CRISP2: variants seen among roughly 807,000 people sequenced by gnomAD.
CRISP2 encodes cysteine rich secretory protein 2.
CRISP2 carries 29 observed loss-of-function variants against 31.7 expected under a neutral mutation model. The ratio of observed to expected loss-of-function variants is 0.92; its 90% CI spans 0.68 to 1.25. CRISP2 has a LOEUF of 1.25. CRISP2 is among the 50% of genes most tolerant of loss of function. The probability of loss-of-function intolerance (pLI) is 0.00; values close to 1 mark genes in which losing one functional copy is unlikely to be tolerated. For synonymous variants in CRISP2, 111 were observed against 101.4 expected (o/e 1.09, Z -0.57); for missense variants, 318 against 286.5 (o/e 1.11, Z -0.79).
chr6:49,688,870 T>G (rs1354247749), downstream of CRISP2, among the ~76,000 whole-genome samples: 1 of 152,154 alleles, frequency 6.6e-6, no homozygotes, highest in East Asian at 1.9e-4. Context: ...TTTTCTTTTC[T>G]TTTATTTTTT....
At chr6:49,709,383 C>T (rs903375726) in intron 3 of CRISP2, among the ~76,000 whole-genome samples, 178 bp from the exon 4 acceptor site, 10 of 152,126 alleles carry the variant, frequency 6.6e-5, no homozygotes, top group South Asian at 2.1e-4. Flanking sequence ...ATGAGGCCAA[C>T]CTTGTCTTTG....
the CRISP2 span, among the ~76,000 whole-genome samples, chr6:49,679,751 A>C: frequency 6.6e-6 from 1 of 151,772 alleles, no homozygotes; most frequent in Non-Finnish European, 1.5e-5. Context: ...TATCACCTAG[A>C]CTGGAATGCA....
At chr6:49,687,638 G>A (rs906540276), downstream of CRISP2, among the ~76,000 whole-genome samples, 1 of 152,170 alleles carries the variant, frequency 6.6e-6, no homozygotes, top group Non-Finnish European at 1.5e-5. Context: ...ATAGAGGAGG[G>A]GTCAGAGGGT....
At chr6:49,681,496 C>T in the CRISP2 span, among the ~76,000 whole-genome samples, 112,178 of 152,030 alleles carry the variant, frequency 0.74, 42,180 homozygotes, top group East Asian at 0.97. Flanking sequence ...GAACAAAGTA[C>T]TTAATGAATT....
At chr6:49,713,669 C>T (rs945333791), upstream of CRISP2, 14 of 152,234 alleles carry the variant, frequency 9.2e-5, no homozygotes, top group African/African-American at 3.1e-4. Context: ...GCCCCCGCCT[C>T]CCCTACTACG....
At chr6:49,706,109 A>G (rs1271613887) in intron 4 of CRISP2, among the ~76,000 whole-genome samples, 2 of 152,210 alleles carry the variant, frequency 1.3e-5, no homozygotes, top group African/African-American at 4.8e-5. Flanking sequence ...AGACATATGA[A>G]TAATAATATT....
At chr6:49,712,062 A>G (rs1052605500) in intron 2 of CRISP2, among the ~76,000 whole-genome samples, 1 of 152,214 alleles carries the variant, frequency 6.6e-6, no homozygotes, top group Non-Finnish European at 1.5e-5. Flanking sequence ...TCCAGGTGTT[A>G]TAGGAAAATA....
downstream of CRISP2, among the ~76,000 whole-genome samples, chr6:49,687,950 TAAAC>T (rs1554132085): frequency 6.6e-6 from 1 of 152,116 alleles, no homozygotes; most frequent in Admixed American, 6.5e-5. Flanking sequence ...GCGTAACAAA[TAAAC>T]AACAGTATTA....
At chr6:49,700,984 A>C (rs1765573082) in intron 4 of CRISP2, among the ~76,000 whole-genome samples, 200 bp from the exon 5 acceptor site, 1 of 152,126 alleles carries the variant, frequency 6.6e-6, no homozygotes, top group Non-Finnish European at 1.5e-5. Flanking sequence ...TGAGTTGAAG[A>C]TATAACTTTT....
intron 8 of CRISP2, 111 bp downstream of exon 8, chr6:49,697,749 T>G (rs528314394): frequency 6.3e-7 from 1 of 1,582,074 alleles, no homozygotes; most frequent in Admixed American, 1.7e-5. Context: ...CAAACGTTTA[T>G]CCCCTCCCTT....
intron 4 of CRISP2, among the ~76,000 whole-genome samples, chr6:49,707,736 G>T (rs1044076390): frequency 6.6e-6 from 1 of 152,138 alleles, no homozygotes; most frequent in Non-Finnish European, 1.5e-5. Flanking sequence ...AAGTCCTAGC[G>T]AGTCTAATGT....
the CRISP2 span, among the ~76,000 whole-genome samples, chr6:49,677,823 C>T: frequency 6.6e-6 from 1 of 151,978 alleles, no homozygotes; most frequent in South Asian, 2.1e-4. Context: ...TTTTAAAGGA[C>T]TGGAACTTTA....
intron 4 of CRISP2, 89 bp from the exon 5 acceptor site, chr6:49,700,873 A>G: frequency 1.2e-6 from 1 of 841,908 alleles, no homozygotes; most frequent in Non-Finnish European, 1.9e-6. Context: ...AACAAAGGTC[A>G]CTTTAAAAAG....
At chr6:49,679,686 G>GTTT in the CRISP2 span, among the ~76,000 whole-genome samples, 1 of 67,498 alleles carries the variant, frequency 1.5e-5, no homozygotes, top group Non-Finnish European at 2.6e-5. Flanking sequence ...ATTCAGTGTT[G>GTTT]TTGTTTTTTT....
At chr6:49,695,114 T>A (rs937538294) in intron 9 of CRISP2, among the ~76,000 whole-genome samples, 1 of 152,160 alleles carries the variant, frequency 6.6e-6, no homozygotes, top group Non-Finnish European at 1.5e-5. Context: ...ACTTTATCAT[T>A]CATAATAATT....
chr6:49,707,162 A>G (rs569353375), intron 4 of CRISP2, among the ~76,000 whole-genome samples: 2 of 152,354 alleles, frequency 1.3e-5, no homozygotes, highest in African/African-American at 4.8e-5. Flanking sequence ...ACATGACTAG[A>G]AATATTAAAC....
At chr6:49,690,556 A>G (rs1042394638), downstream of CRISP2, among the ~76,000 whole-genome samples, 12 of 152,066 alleles carry the variant, frequency 7.9e-5, no homozygotes, top group Non-Finnish European at 1.5e-4. Flanking sequence ...AATAGTTAAT[A>G]CATGACCAAA....
chr6:49,691,235 C>T (rs1764043379), downstream of CRISP2, among the ~76,000 whole-genome samples: 1 of 152,060 alleles, frequency 6.6e-6, no homozygotes, highest in Non-Finnish European at 1.5e-5. Flanking sequence ...CACATTGTCA[C>T]ACTACCTCAG....
At chr6:49,704,960 T>C (rs1362623684) in intron 4 of CRISP2, among the ~76,000 whole-genome samples, 4 of 152,160 alleles carry the variant, frequency 2.6e-5, no homozygotes, top group East Asian at 1.9e-4. Context: ...ACAGCTCGAG[T>C]TGGTTTCAAG....
Sources: gnomAD v4.1 joint callset for allele counts (sites outside exome capture counted in the v4.1 genomes callset) on GRCh38, gnomAD v4.1.1 for gene constraint, MANE v1.5 for transcripts, NCBI Gene and HGNC (gene_info 2026-07-23, HGNC 2026-07-21) for gene names.